The following ANTXR1 variants were observed in gnomAD, a reference collection of about 807,000 sequenced individuals.
ANTXR1 encodes the protein anthrax toxin receptor 1.
A neutral mutation model predicts 78.1 loss-of-function variants in ANTXR1; 19 were observed. That is an observed-to-expected ratio of 0.24 (90% CI 0.17 to 0.36). The LOEUF (loss-of-function observed/expected upper bound fraction) is 0.36, where lower values mean the gene tolerates loss of function less well. Among genes scored for constraint, ANTXR1 ranks in the 10% least tolerant of loss-of-function variants. The pLI, the probability that ANTXR1 is intolerant of heterozygous loss-of-function variation, is 1.00. For synonymous variants in ANTXR1, 273 were observed against 260.5 expected, an observed-to-expected ratio of 1.05 and a Z score of -0.46; for missense variants, 518 against 718.6, an observed-to-expected ratio of 0.72 and a Z score of 3.19.
chr2:69,218,045 C>T (rs191867641), intron 17 of ANTXR1, among the ~76,000 whole-genome samples: 2 of 152,188 alleles, frequency 1.3e-5, no homozygotes, highest in South Asian at 4.2e-4. Flanking sequence ...GATCTGAGGA[C>T]AAAGGATTCC....
At chr2:69,040,657 G>C (rs1255779284) in intron 2 of ANTXR1, among the ~76,000 whole-genome samples, 1 of 152,214 alleles carries the variant, frequency 6.6e-6, no homozygotes, top group Non-Finnish European at 1.5e-5. Flanking sequence ...TCCCAGGCAA[G>C]GCAATGCAGT....
intron 6 of ANTXR1, 107 bp from the exon 7 acceptor site, chr2:69,075,483 G>C (rs1225834348): frequency 9.4e-7 from 1 of 1,064,886 alleles, no homozygotes. Flanking sequence ...CCAGGCACAT[G>C]GTAGGTGCTC....
chr2:69,059,720 T>C (rs1670176921), intron 3 of ANTXR1, among the ~76,000 whole-genome samples: 1 of 152,206 alleles, frequency 6.6e-6, no homozygotes, highest in African/African-American at 2.4e-5. Flanking sequence ...AGCATAACTT[T>C]TATATGCACT....
chr2:69,194,886 C>T lies in ANTXR1; in HGVS notation c.1434+1471C>T, dbSNP rs190274235. 4.3e-4 allele frequency among the ~76,000 whole-genome samples: 66 copies of T among 151,884 alleles called. 1 individual carries two copies. The East Asian group carries it at 0.012, about 28-fold the overall frequency. On this transcript the variant is annotated intron_variant, in intron 17 of 17. Transcript: ENST00000303714. ...AATTTTTTGTTAAGAAAGAAATGCT[C>T]GGGCCGGGCGTGGTGTCTCACACTG...
At position 69,170,135 on chromosome 2, in the gene ANTXR1, G is replaced by T. The variant is rs1180198449; in HGVS notation, c.1048-113G>T. 9.6e-6 allele frequency: 11 copies of T among 1,151,370 alleles called. No individual in the cohort carries two copies. In the African/African-American group the frequency reaches 1.1e-4, roughly 11 times the overall value. 71.3% of individuals were successfully genotyped at this position (1,151,370 alleles called of 1,614,324 possible). A position where few individuals can be genotyped will look rare whatever the true frequency, so the allele number is the denominator to read the frequency against. Reference sequence around the variant, plus strand: ...CAGTGATTAAGCCCGACTTGCTGGGGCCATTGCCATGGTAATTATGGCAGC... The same window carrying T: ...CAGTGATTAAGCCCGACTTGCTGGGTCCATTGCCATGGTAATTATGGCAGC... On this transcript the variant is annotated intron_variant, in intron 13 of 17. Coordinates refer to ENST00000303714, the MANE Select transcript of ANTXR1 (RefSeq NM_032208.3).
chr2:69,092,537 G>A (rs1671273152), intron 9 of ANTXR1, among the ~76,000 whole-genome samples: 1 of 152,176 alleles, frequency 6.6e-6, no homozygotes, highest in African/African-American at 2.4e-5. Flanking sequence ...TCAGAAATAT[G>A]TGCTAATTTC....
At chr2:69,027,640 A>ATGTGTG (rs1553430956) in intron 1 of ANTXR1, among the ~76,000 whole-genome samples, 16 of 100,184 alleles carry the variant, frequency 1.6e-4, no homozygotes, top group African/African-American at 5.0e-4. Context: ...GTGTGTGTGT[A>ATGTGTG]TGTGTGTGTG....
intron 5 of ANTXR1, among the ~76,000 whole-genome samples, chr2:69,072,319 A>C (rs1186856898): frequency 6.6e-6 from 1 of 152,180 alleles, no homozygotes; most frequent in Non-Finnish European, 1.5e-5. Flanking sequence ...GTCTTTCGTG[A>C]GTAGCATTTC....
At chr2:69,091,653 A>G (rs1671243142) in intron 9 of ANTXR1, among the ~76,000 whole-genome samples, 2 of 152,090 alleles carry the variant, frequency 1.3e-5, no homozygotes, top group Non-Finnish European at 2.9e-5. Flanking sequence ...AAATACTGCT[A>G]TACTAAAGTT....
At chr2:69,084,249 T>C (rs1670979075) in intron 8 of ANTXR1, among the ~76,000 whole-genome samples, 1 of 152,224 alleles carries the variant, frequency 6.6e-6, no homozygotes, top group Non-Finnish European at 1.5e-5. Flanking sequence ...TCTGAGCTTT[T>C]CTCCTGCAGA....
chr2:69,046,765 C>T lies in ANTXR1; in HGVS notation c.296+1952C>T, dbSNP rs566040652. Among the ~76,000 whole-genome samples, 18 of 152,280 alleles carry T rather than the reference C, an allele frequency of 1.2e-4. 1 individual carries two copies. Among genetic ancestry groups the T allele is most frequent in the African/African-American group, 4.1e-4 (17 of 41,558 alleles). ...TACTGCTTCTGAAATATATGACTTG[C>T]AGTGTTTTAGTTGGGCACAGGAATT... On this transcript the variant is annotated intron_variant, in intron 3 of 17. Transcript: ENST00000303714.
chr2:69,190,101 G>A (rs75248338), intron 16 of ANTXR1, among the ~76,000 whole-genome samples: 1 of 152,158 alleles, frequency 6.6e-6, no homozygotes, highest in Non-Finnish European at 1.5e-5. Context: ...GGCAGAGGGG[G>A]AGGAGCAGAA....
Position 69,188,391 on chromosome 2 carries a change from G to A in ANTXR1, c.1354-4944G>A, listed in dbSNP as rs151223599. Among the ~76,000 whole-genome samples, 285 of 152,250 alleles carry A rather than the reference G, an allele frequency of 1.9e-3. 1 individual carries two copies. The highest frequency in any genetic ancestry group is 2.9e-3 in the Non-Finnish European group (200 of 68,014). On this transcript the variant is annotated intron_variant, in intron 16 of 17. Transcript: ENST00000303714. ...ATTATAGGCATGTGCCACCGTGCCC[G>A]GCTCCCTACCTCCAGAATGCTATGA...
intron 3 of ANTXR1, among the ~76,000 whole-genome samples, chr2:69,057,234 T>C (rs547708369): frequency 4.6e-5 from 7 of 152,336 alleles, no homozygotes; most frequent in African/African-American, 9.6e-5. Flanking sequence ...TGAATGTACT[T>C]ATACTTGCCT....
In ANTXR1 at chr2:69,193,373, A is replaced by T; in HGVS notation, c.1392A>T (p.Gly464=). The T allele has an allele frequency of 1.2e-6, 2 of 1,613,784 alleles. No individual in the cohort carries two copies. Among genetic ancestry groups the T allele is most frequent in the Non-Finnish European group, 1.7e-6 (2 of 1,179,894 alleles). Residue 464 remains glycine (G), a synonymous_variant, in exon 17 of 18, where the codon GGA becomes GGT. Transcript: ENST00000303714. ...CCTTGTGGGTCCTACTGAGGAAAGG[A>T]TATGATCGTGTGTCTGTGATGCGTC... ...LDALWVLLRK[G]YDRVSVMRPQ... is the part of the protein sequence containing the mutation.
intron 17 of ANTXR1, among the ~76,000 whole-genome samples, chr2:69,194,486 G>C (rs1008563755): frequency 6.6e-6 from 1 of 152,166 alleles, no homozygotes. Flanking sequence ...TAGATGGCAC[G>C]GACTTCTTCC....
intron 14 of ANTXR1, among the ~76,000 whole-genome samples, chr2:69,177,166 C>T (rs949963171): frequency 6.6e-6 from 1 of 152,206 alleles, no homozygotes; most frequent in Non-Finnish European, 1.5e-5. Flanking sequence ...GAGGCGAGAG[C>T]ATTGCATTCT....
intron 9 of ANTXR1, among the ~76,000 whole-genome samples, chr2:69,096,761 T>TGAAC (rs1671443994): frequency 6.6e-6 from 1 of 152,216 alleles, no homozygotes; most frequent in Admixed American, 6.5e-5. Flanking sequence ...CTGACAACAC[T>TGAAC]GAACCTGTAT....
rs1356168390 is a variant in ANTXR1, at chr2:69,248,922, A to T, written c.*3437A>T. The T allele has an allele frequency of 2.0e-5, 3 of 152,190 alleles. No individual in the cohort carries two copies. The highest frequency in any genetic ancestry group is 4.4e-5 in the Non-Finnish European group (3 of 68,032). 9.4% of individuals were successfully genotyped at this position (152,190 alleles called of 1,614,324 possible). A position where few individuals can be genotyped will look rare whatever the true frequency, so the allele number is the denominator to read the frequency against. On this transcript the variant is annotated 3_prime_UTR_variant, in exon 18 of 18. Transcript: ENST00000303714. ...TTTCTTGTTATCTGAGCTCTCCTAT[A>T]TTATCATACTCAGATAACCAAATTA... is the stretch of plus-strand genomic sequence containing the variant.
Sources: gnomAD v4.1 joint callset for allele counts (sites outside exome capture counted in the v4.1 genomes callset) on GRCh38, gnomAD v4.1.1 for gene constraint, MANE v1.5 for transcripts, NCBI Gene and HGNC (gene_info 2026-07-23, HGNC 2026-07-21) for gene names.